STOX2: variants seen among roughly 807,000 people sequenced by gnomAD.
STOX2 encodes storkhead-box protein 2.
In STOX2, 28 loss-of-function variants were observed where a neutral mutation model predicts 60.9. The observed-to-expected ratio is 0.46, with a 90% CI of 0.34 to 0.63. The LOEUF (loss-of-function observed/expected upper bound fraction) is 0.63. Ranked by LOEUF, STOX2 falls within the 30% of genes least tolerant of loss-of-function variation. The pLI is 0.01. For missense variants in STOX2, 1,024 were observed against 1,187.7 expected, an observed-to-expected ratio of 0.86 and a Z score of 2.03; for synonymous variants, 472 against 463.9, an observed-to-expected ratio of 1.02 and a Z score of -0.22.
In STOX2 at chr4:184,008,572, G is replaced by A. The variant is rs530882398; in HGVS notation, c.320-586G>A. The stretch of plus-strand genomic sequence containing the variant: ...GGCTGCAGTCAGTTTCCAAATGGAA[G>A]GCAATGACTCCAAAATTAGAGGATA... On this transcript the variant is annotated intron_variant, in intron 2 of 3. Transcript: ENST00000308497. Among the ~76,000 whole-genome samples the A allele has an allele frequency of 3.9e-5, 6 of 152,318 alleles. No individual in the cohort carries two copies. The South Asian group carries it at 1.0e-3, about 26-fold the overall frequency.
intron 1 of STOX2, among the ~76,000 whole-genome samples, chr4:183,826,653 G>A (rs1035492979): frequency 5.9e-5 from 9 of 152,196 alleles, no homozygotes; most frequent in East Asian, 1.9e-4. Flanking sequence ...TCACACCATC[G>A]CCCTCAACTT....
intron 1 of STOX2, among the ~76,000 whole-genome samples, chr4:183,917,996 T>A (rs937826759): frequency 1.3e-5 from 2 of 152,248 alleles, no homozygotes; most frequent in African/African-American, 4.8e-5. Context: ...GCATAGTGCC[T>A]GACACACAGT....
intron 1 of STOX2, among the ~76,000 whole-genome samples, chr4:183,926,902 G>A (rs969269841): frequency 6.6e-5 from 10 of 152,206 alleles, no homozygotes; most frequent in African/African-American, 2.2e-4. Flanking sequence ...GATTACAGGC[G>A]TGAGCCACCG....
chr4:183,863,138 A>G (rs1459679300), intron 1 of STOX2, among the ~76,000 whole-genome samples: 1 of 152,204 alleles, frequency 6.6e-6, no homozygotes, highest in South Asian at 2.1e-4. Flanking sequence ...TACAGGACTC[A>G]TGAAAGAAGC....
chr4:183,936,846 G>A (rs1742604966), intron 1 of STOX2, among the ~76,000 whole-genome samples: 1 of 152,176 alleles, frequency 6.6e-6, no homozygotes, highest in Non-Finnish European at 1.5e-5. Context: ...CAAATGATAT[G>A]TCACCTCACT....
chr4:183,854,575 A>G (rs764752553), intron 1 of STOX2, among the ~76,000 whole-genome samples: 2 of 152,230 alleles, frequency 1.3e-5, no homozygotes, highest in Non-Finnish European at 2.9e-5. Context: ...AGTGTTTTAA[A>G]ATAGCAAGTA....
At chr4:183,820,611 G>C (rs1348946037) in intron 1 of STOX2, among the ~76,000 whole-genome samples, 1 of 152,150 alleles carries the variant, frequency 6.6e-6, no homozygotes, top group South Asian at 2.1e-4. Context: ...TGATCTGTCT[G>C]CTTATTTAGA....
chr4:183,974,216 C>T (rs1267774982), intron 1 of STOX2, among the ~76,000 whole-genome samples: 2 of 151,744 alleles, frequency 1.3e-5, no homozygotes, highest in Admixed American at 6.6e-5. Context: ...CAGCTAAAGA[C>T]ACCATACAAA....
At chr4:183,853,032 C>T (rs1014127468) in intron 1 of STOX2, among the ~76,000 whole-genome samples, 9 of 152,142 alleles carry the variant, frequency 5.9e-5, no homozygotes, top group African/African-American at 1.4e-4. Flanking sequence ...AATAATCGCA[C>T]GCAGGAACTT....
intron 1 of STOX2, among the ~76,000 whole-genome samples, chr4:183,843,615 C>A (rs758433773): frequency 6.6e-6 from 1 of 152,164 alleles, no homozygotes; most frequent in African/African-American, 2.4e-5. Flanking sequence ...ATCGCATGAG[C>A]GTGGCTGTGT....
intron 1 of STOX2, among the ~76,000 whole-genome samples, chr4:183,921,951 C>T (rs1340511032): frequency 2.6e-5 from 4 of 152,130 alleles, no homozygotes; most frequent in African/African-American, 2.4e-5. Flanking sequence ...AGAATCAATA[C>T]ACCAAACGAT....
intron 1 of STOX2, among the ~76,000 whole-genome samples, chr4:183,840,343 G>A (rs1739827557): frequency 6.6e-6 from 1 of 152,074 alleles, no homozygotes; most frequent in Non-Finnish European, 1.5e-5. Flanking sequence ...CTTTGTCCAT[G>A]TAACAGTCAA....
At chr4:183,886,539 T>A (rs1228641892) in intron 1 of STOX2, among the ~76,000 whole-genome samples, 1 of 152,148 alleles carries the variant, frequency 6.6e-6, no homozygotes, top group Non-Finnish European at 1.5e-5. Context: ...AAAAAGCTAG[T>A]GTTTGAGCAA....
At chr4:184,007,281 G>A (rs143521862) in intron 2 of STOX2, among the ~76,000 whole-genome samples, 3 of 152,254 alleles carry the variant, frequency 2.0e-5, no homozygotes, top group African/African-American at 7.2e-5. Context: ...CTCCCCTTGA[G>A]AATCCCAGGC....
At chr4:183,811,729 A>C (rs1739037470) in intron 1 of STOX2, among the ~76,000 whole-genome samples, 1 of 152,194 alleles carries the variant, frequency 6.6e-6, no homozygotes, top group Non-Finnish European at 1.5e-5. Context: ...CTGTGAAAAA[A>C]GTTTAATTCA....
At chr4:183,802,730 C>T (rs554156785) in intron 1 of STOX2, among the ~76,000 whole-genome samples, 13 of 152,220 alleles carry the variant, frequency 8.5e-5, no homozygotes, top group East Asian at 7.7e-4. Context: ...CTCAGCCTCC[C>T]GAGTAGCTGG....
At chr4:183,858,203 T>C (rs950755644) in intron 1 of STOX2, among the ~76,000 whole-genome samples, 1 of 152,198 alleles carries the variant, frequency 6.6e-6, no homozygotes, top group Non-Finnish European at 1.5e-5. Flanking sequence ...CCGGATGACC[T>C]ATCCACACTT....
At position 184,010,739 on chromosome 4, in the gene STOX2, A is replaced by G. The variant is rs1418975271; in HGVS notation, c.1901A>G (p.Lys634Arg). The change falls in exon 3 of 4, where the codon AAA becomes AGA. Residue 634 changes from lysine (K) to arginine (R), a missense_variant. Lys to Arg is a conservative substitution (Grantham distance 26). Around this residue, in one of 3 missense-constraint regions of STOX2, gnomAD observed 922 missense variants for 1,058.3 expected, o/e 0.87. Coordinates refer to ENST00000308497, the MANE Select transcript of STOX2 (RefSeq NM_020225.3). The surrounding 1 kb of genome is among the most constrained non-coding windows in gnomAD (Gnocchi z 4.5). ...HDTLTLAEGV[K>R]KLSPSDRQVP... ...ACTCTGACTTTGGCAGAAGGGGTGA[A>G]AAAGCTCTCCCCTTCTGATAGGCAG... 2.5e-6 allele frequency: 4 copies of G among 1,593,812 alleles called. No individual in the cohort carries two copies. Among genetic ancestry groups the G allele is most frequent in the Non-Finnish European group, 3.4e-6 (4 of 1,170,346 alleles).
At chr4:183,896,246 G>A (rs762143099) in intron 1 of STOX2, among the ~76,000 whole-genome samples, 3 of 152,216 alleles carry the variant, frequency 2.0e-5, no homozygotes, top group Non-Finnish European at 4.4e-5. Flanking sequence ...CAGGACCAGC[G>A]CTGGGTGAAA....
Sources: gnomAD v4.1 joint callset for allele counts (sites outside exome capture counted in the v4.1 genomes callset) on GRCh38, gnomAD v4.1.1 for gene constraint, gnomAD v4.1.1 regional missense constraint, Gnocchi (gnomAD v3.1) non-coding constraint, MANE v1.5 for transcripts, NCBI Gene and HGNC (gene_info 2026-07-23, HGNC 2026-07-21) for gene names.